The following SLC12A2 variants were observed in gnomAD, a reference collection of about 807,000 sequenced individuals.
SLC12A2 encodes solute carrier family 12 member 2.
A neutral mutation model predicts 136.3 loss-of-function variants in SLC12A2; 67 were observed. That is an observed-to-expected ratio of 0.49 (90% CI 0.40 to 0.60). The LOEUF is 0.60. SLC12A2 is among the 20% of genes least tolerant of loss of function. The pLI is 0.00. For missense variants in SLC12A2, 1,322 were observed against 1,534.7 expected, an observed-to-expected ratio of 0.86 and a Z score of 2.32; for synonymous variants, 619 against 562.9, an observed-to-expected ratio of 1.10 and a Z score of -1.41.
chr5:128,150,593 C>T (rs1762671103), intron 13 of SLC12A2, among the ~76,000 whole-genome samples: 1 of 151,536 alleles, frequency 6.6e-6, no homozygotes, highest in African/African-American at 2.4e-5. Flanking sequence ...ATTCTAACAT[C>T]AGGTTTTTAC....
intron 1 of SLC12A2, among the ~76,000 whole-genome samples, chr5:128,093,883 A>G (rs764014208): frequency 1.2e-4 from 19 of 152,030 alleles, no homozygotes; most frequent in Non-Finnish European, 2.1e-4. Context: ...TGCTCCCTGC[A>G]TTGTCTATTT....
At position 128,083,941 on chromosome 5, in the gene SLC12A2, G is replaced by C. The variant is rs913072519; in HGVS notation, c.-14G>C. The stretch of plus-strand genomic sequence containing the variant: ...TCCGCCGGGCTCTGCAGTTCCGCCG[G>C]GGGTCGGGCAGCTATGGAGCCGCGG... On this transcript the variant is annotated 5_prime_UTR_variant, in exon 1 of 27. Coordinates refer to ENST00000262461, the MANE Select transcript of SLC12A2 (RefSeq NM_001046.3). 1 of 1,229,362 alleles carries C rather than the reference G, an allele frequency of 8.1e-7. No individual in the cohort carries two copies. The highest frequency in any genetic ancestry group is 3.3e-5 in the East Asian group (1 of 30,530). 76.2% of individuals were successfully genotyped at this position (1,229,362 alleles called of 1,614,324 possible).
At chr5:128,092,462 C>T (rs1206096671) in intron 1 of SLC12A2, among the ~76,000 whole-genome samples, 6 of 152,080 alleles carry the variant, frequency 3.9e-5, no homozygotes, top group African/African-American at 1.4e-4. Flanking sequence ...GTGATTATGG[C>T]CTGTTACCAT....
At chr5:128,148,919 A>G in intron 12 of SLC12A2, 42 bp downstream of exon 12, 1 of 1,491,678 alleles carries the variant, frequency 6.7e-7, no homozygotes, top group African/African-American at 1.4e-5. Context: ...TTTTTGGTGC[A>G]TATTAGTTCT....
At chr5:128,123,837 A>G (rs539783940) in intron 4 of SLC12A2, among the ~76,000 whole-genome samples, 1 of 152,230 alleles carries the variant, frequency 6.6e-6, no homozygotes, top group East Asian at 1.9e-4. Context: ...TGCTTTTGGA[A>G]TGGTATCTAA....
At chr5:128,178,113 G>A (rs1002900296) in intron 21 of SLC12A2, among the ~76,000 whole-genome samples, 9 of 152,098 alleles carry the variant, frequency 5.9e-5, no homozygotes, top group Middle Eastern at 3.2e-3. Context: ...CATTTATATT[G>A]CAGATAACAA....
chr5:128,163,827 A>C lies in SLC12A2; in HGVS notation c.2616+2027A>C, dbSNP rs189190749. 3.3e-5 allele frequency among the ~76,000 whole-genome samples: 5 copies of C among 152,318 alleles called. No individual in the cohort carries two copies. The East Asian group carries it at 9.6e-4, about 29-fold the overall frequency. On this transcript the variant is annotated intron_variant, in intron 17 of 26. Transcript: ENST00000262461. ...TACATAGTAAAAATGCAAAGAGAAC[A>C]TGAAGATACAGTGGAGGCTTTACTG...
chr5:128,157,949 T>C (rs953975950), intron 15 of SLC12A2, 104 bp from the exon 16 acceptor site: 3 of 845,906 alleles, frequency 3.5e-6, no homozygotes, highest in Non-Finnish European at 5.5e-6. Context: ...GCCTGTGTCT[T>C]AAGGACAGTT....
At chr5:128,104,141 A>C (rs1760839022) in intron 1 of SLC12A2, among the ~76,000 whole-genome samples, 1 of 152,132 alleles carries the variant, frequency 6.6e-6, no homozygotes, top group Non-Finnish European at 1.5e-5. Context: ...GAGAAAACCT[A>C]GTTTGACCTG....
chr5:128,165,856 A>G (rs1763181707), intron 17 of SLC12A2, among the ~76,000 whole-genome samples: 1 of 142,808 alleles, frequency 7.0e-6, no homozygotes, highest in Non-Finnish European at 1.5e-5. Flanking sequence ...GGTACTGGTT[A>G]TCTTATGGCT....
chr5:128,088,281 AAG>A (rs1760178698), intron 1 of SLC12A2, among the ~76,000 whole-genome samples: 1 of 152,120 alleles, frequency 6.6e-6, no homozygotes, highest in African/African-American at 2.4e-5. Flanking sequence ...GCTGAGAGAA[AAG>A]AGTTTTTGGA....
intron 1 of SLC12A2, among the ~76,000 whole-genome samples, chr5:128,103,671 A>C (rs1227489829): frequency 6.6e-6 from 1 of 151,918 alleles, no homozygotes; most frequent in Non-Finnish European, 1.5e-5. Flanking sequence ...GGGAAGAAGA[A>C]GGCTGCATTT....
At chr5:128,176,968 CT>C (rs1402442194) in intron 20 of SLC12A2, 136 bp from the exon 21 acceptor site, 1 of 507,104 alleles carries the variant, frequency 2.0e-6, no homozygotes, top group Non-Finnish European at 3.3e-6. Context: ...AAATATTAAT[CT>C]TCAGTCTTGA....
Position 128,189,074 on chromosome 5 carries a change from G to A in SLC12A2, c.*2443G>A, listed in dbSNP as rs1763963144. 6.6e-6 allele frequency: 1 copy of A among 152,268 alleles called. No homozygotes were observed. The highest frequency in any genetic ancestry group is 2.4e-5 in the African/African-American group (1 of 41,358). The allele number at this position is 152,268 out of a possible 1,614,324, so 9.4% of individuals were successfully genotyped here. A position where few individuals can be genotyped will look rare whatever the true frequency, so the allele number is the denominator to read the frequency against. Reference sequence around the variant, plus strand: ...ATGTGGGGTGGGTAATACTGTCTGTGAAATAATGTAAGAAGCTTTTCACTT... The same window carrying A: ...ATGTGGGGTGGGTAATACTGTCTGTAAAATAATGTAAGAAGCTTTTCACTT... On this transcript the variant is annotated 3_prime_UTR_variant, in exon 27 of 27. Transcript: ENST00000262461.
intron 2 of SLC12A2, 127 bp downstream of exon 2, chr5:128,113,060 G>C (rs1332294111): frequency 1.4e-6 from 1 of 707,210 alleles, no homozygotes; most frequent in East Asian, 3.2e-5. Context: ...TCTGAGTGCT[G>C]TGGAAAACCA....
intron 21 of SLC12A2, 100 bp downstream of exon 21, chr5:128,177,252 A>G (rs1763567511): frequency 1.2e-6 from 1 of 809,794 alleles, no homozygotes; most frequent in Middle Eastern, 2.4e-4. Context: ...TTTTATTTCC[A>G]TGGTGAGGTA....
chr5:128,184,524 CATTA>C lies in SLC12A2; in HGVS notation c.3435+26_3435+29del, dbSNP rs1225704974. The stretch of plus-strand genomic sequence containing the variant: ...AAGGTATTCTCTTCTGCTTCCTTTT[CATTA>C]ATCTTTTATATAATAAAAGACATGA... On this transcript the variant is annotated intron_variant, in intron 25 of 26. Transcript: ENST00000262461. 28 of 1,554,292 alleles carry C rather than the reference CATTA, an allele frequency of 1.8e-5. No individual in the cohort carries two copies. The East Asian group carries it at 6.3e-4, about 35-fold the overall frequency.
intron 11 of SLC12A2, among the ~76,000 whole-genome samples, chr5:128,148,504 T>C (rs772988574): frequency 2.6e-5 from 4 of 151,864 alleles, no homozygotes; most frequent in Non-Finnish European, 5.9e-5. Flanking sequence ...CTGTGATTTC[T>C]TCTTCATAAA....
chr5:128,165,847 G>T (rs1207886117), intron 17 of SLC12A2, among the ~76,000 whole-genome samples: 1 of 150,118 alleles, frequency 6.7e-6, no homozygotes, highest in African/African-American at 2.5e-5. Flanking sequence ...CATTAAGAAG[G>T]TACTGGTTAT....
Sources: allele counts gnomAD v4.1 joint callset (sites outside exome capture counted in the v4.1 genomes callset), GRCh38; gene constraint gnomAD v4.1.1; transcripts MANE v1.5; gene names NCBI Gene and HGNC (gene_info 2026-07-23, HGNC 2026-07-21).